The following ANTXR2 variants were observed in gnomAD, a reference collection of about 807,000 sequenced individuals.
The protein encoded by ANTXR2 is ANTXR cell adhesion molecule 2.
Under a neutral mutation model 73.7 loss-of-function variants are expected in ANTXR2, and 44 were observed. That is an observed-to-expected ratio of 0.60 (90% CI 0.47 to 0.77). The LOEUF (loss-of-function observed/expected upper bound fraction) is 0.77, where lower values mean the gene tolerates loss of function less well. ANTXR2 is among the 30% of genes least tolerant of loss of function. ANTXR2 has a pLI of 0.00. For synonymous variants in ANTXR2, 217 were observed against 205.9 expected (o/e 1.05, Z -0.46); for missense variants, 604 against 592.5 (o/e 1.02, Z -0.20).
intron 16 of ANTXR2, among the ~76,000 whole-genome samples, chr4:79,919,698 T>C (rs1191234088): frequency 1.3e-5 from 2 of 151,598 alleles, no homozygotes; most frequent in Non-Finnish European, 2.9e-5. Context: ...CTTCCCCACT[T>C]TTGAGGTTTT....
chr4:80,019,844 A>C (rs1480120580), intron 10 of ANTXR2, among the ~76,000 whole-genome samples: 1 of 152,216 alleles, frequency 6.6e-6, no homozygotes, highest in African/African-American at 2.4e-5. Flanking sequence ...GTTAAAATAT[A>C]GTTCTTATTT....
intron 16 of ANTXR2, among the ~76,000 whole-genome samples, chr4:79,976,454 C>T (rs1253586395): frequency 7.6e-6 from 1 of 131,928 alleles, no homozygotes; most frequent in Non-Finnish European, 1.8e-5. Context: ...GTCAGTTTGC[C>T]ATTGCCATGG....
chr4:80,013,209 T>TA (rs1731683142), intron 11 of ANTXR2, among the ~76,000 whole-genome samples: 1 of 152,244 alleles, frequency 6.6e-6, no homozygotes, highest in Non-Finnish European at 1.5e-5. Context: ...ACTCTAATCT[T>TA]AAATCTCTTA....
chr4:79,980,951 C>T (rs1429047770), intron 14 of ANTXR2, among the ~76,000 whole-genome samples: 3 of 147,216 alleles, frequency 2.0e-5, no homozygotes, highest in African/African-American at 7.7e-5. Context: ...AAGAGAAGTA[C>T]CTTCCAGGTT....
At chr4:79,911,361 C>T (rs1258434358) in intron 16 of ANTXR2, among the ~76,000 whole-genome samples, 1 of 152,018 alleles carries the variant, frequency 6.6e-6, no homozygotes, top group Non-Finnish European at 1.5e-5. Flanking sequence ...TTTTCTGAGA[C>T]TATTTCACTT....
chr4:79,945,121 C>A (rs1728471071), intron 16 of ANTXR2, among the ~76,000 whole-genome samples: 1 of 152,018 alleles, frequency 6.6e-6, no homozygotes, highest in South Asian at 2.1e-4. Context: ...CTTTCTGCCA[C>A]ATTTCTTATA....
chr4:79,979,503 T>C (rs1018456755), intron 14 of ANTXR2, among the ~76,000 whole-genome samples: 1 of 152,248 alleles, frequency 6.6e-6, no homozygotes, highest in Non-Finnish European at 1.5e-5. Context: ...CTATTCAGTC[T>C]TTTTGATAAG....
intron 12 of ANTXR2, among the ~76,000 whole-genome samples, chr4:79,994,192 CTT>C (rs971839176): frequency 7.9e-5 from 12 of 151,952 alleles, no homozygotes; most frequent in Non-Finnish European, 1.5e-4. Flanking sequence ...AGACATCTAA[CTT>C]ATTTCTCTAT....
At chr4:79,996,318 TATGGATGGATGGATGG>T (rs141810972) in intron 12 of ANTXR2, among the ~76,000 whole-genome samples, 3 of 148,760 alleles carry the variant, frequency 2.0e-5, no homozygotes, top group Non-Finnish European at 3.0e-5. Flanking sequence ...CGGATGGATA[TATGGATGGATGGATGG>T]ATGGATGGAT....
intron 7 of ANTXR2, among the ~76,000 whole-genome samples, chr4:80,051,996 A>T (rs1490714448): frequency 1.3e-5 from 2 of 151,676 alleles, no homozygotes; most frequent in East Asian, 3.9e-4. Flanking sequence ...GATTAACTTC[A>T]TAAAAATTAA....
chr4:79,926,626 T>G (rs1010924151), intron 16 of ANTXR2, among the ~76,000 whole-genome samples: 3 of 152,166 alleles, frequency 2.0e-5, no homozygotes, highest in African/African-American at 7.2e-5. Flanking sequence ...TATTTTTAAA[T>G]AAACTAAGAA....
intron 3 of ANTXR2, among the ~76,000 whole-genome samples, chr4:80,059,910 A>AAAAC (rs1176069686): frequency 6.6e-6 from 1 of 152,156 alleles, no homozygotes; most frequent in Non-Finnish European, 1.5e-5. Flanking sequence ...ATGGTGTCAT[A>AAAAC]AAACAGTCTG....
intron 3 of ANTXR2, among the ~76,000 whole-genome samples, chr4:80,064,188 C>T (rs1487441811): frequency 1.3e-5 from 2 of 151,638 alleles, no homozygotes; most frequent in Non-Finnish European, 2.9e-5. Flanking sequence ...GATTTTTTTC[C>T]CCAAGTAATT....
At chr4:79,945,734 CCA>C (rs1366707836) in intron 16 of ANTXR2, among the ~76,000 whole-genome samples, 2 of 151,896 alleles carry the variant, frequency 1.3e-5, no homozygotes, top group Non-Finnish European at 2.9e-5. Context: ...TGAAGGAGCC[CCA>C]CAGAGTCAGA....
intron 16 of ANTXR2, among the ~76,000 whole-genome samples, chr4:79,930,933 T>A (rs1728030680): frequency 6.6e-6 from 1 of 152,216 alleles, no homozygotes; most frequent in Non-Finnish European, 1.5e-5. Flanking sequence ...GTTGATCTAT[T>A]TTGCAATACA....
At chr4:80,058,833 C>A (rs1734118238) in intron 3 of ANTXR2, among the ~76,000 whole-genome samples, 1 of 152,212 alleles carries the variant, frequency 6.6e-6, no homozygotes. Context: ...ATGTCTTCAA[C>A]TACAGGGAAC....
At chr4:79,921,933 TA>T (rs1727608485) in intron 16 of ANTXR2, among the ~76,000 whole-genome samples, 1 of 152,090 alleles carries the variant, frequency 6.6e-6, no homozygotes, top group Non-Finnish European at 1.5e-5. Context: ...GGTCATTTAT[TA>T]CATCTAGTAA....
chr4:80,069,795 T>C (rs1402715178), intron 2 of ANTXR2, among the ~76,000 whole-genome samples: 1 of 152,206 alleles, frequency 6.6e-6, no homozygotes, highest in Non-Finnish European at 1.5e-5. Flanking sequence ...GATGTAAAAT[T>C]CTTTCGTAGA....
intron 16 of ANTXR2, among the ~76,000 whole-genome samples, chr4:79,975,888 C>T (rs77172003): frequency 0.031 from 4,707 of 150,990 alleles, 97 homozygotes; most frequent in Non-Finnish European, 0.046. Context: ...GGGGAAAATT[C>T]CAGGAATAAA....
Sources: allele counts gnomAD v4.1 joint callset (sites outside exome capture counted in the v4.1 genomes callset), GRCh38; gene constraint gnomAD v4.1.1; transcripts MANE v1.5; gene names NCBI Gene and HGNC (gene_info 2026-07-23, HGNC 2026-07-21).